The following SLC25A14 variants were observed in gnomAD, a reference collection of about 807,000 sequenced individuals.
The protein encoded by SLC25A14 is solute carrier family 25 member 14, also known as brain mitochondrial carrier protein 1.
SLC25A14 carries 8 observed loss-of-function variants against 28.1 expected under a neutral mutation model. The ratio of observed to expected loss-of-function variants is 0.28; its 90% CI spans 0.17 to 0.51. The LOEUF (loss-of-function observed/expected upper bound fraction) is 0.51, where lower values mean the gene tolerates loss of function less well. Among genes scored for constraint, SLC25A14 ranks in the 20% least tolerant of loss-of-function variants. The probability of loss-of-function intolerance (pLI) is 0.97; values close to 1 mark genes in which losing one functional copy is unlikely to be tolerated. For missense variants in SLC25A14, 135 were observed against 263.8 expected (o/e 0.51, Z 3.38); for synonymous variants, 74 against 90.6 (o/e 0.82, Z 1.04).
chrX:130,350,618 AC>A, intron 5 of SLC25A14, 27 bp from the exon 6 acceptor site: 1 of 982,666 alleles, frequency 1.0e-6, no homozygotes, highest in Non-Finnish European at 1.4e-6. Flanking sequence ...ATACAAGCAG[AC>A]CTTTCTTTTT....
At chrX:130,371,987 AC>A (rs1214700188) in intron 10 of SLC25A14, among the ~76,000 whole-genome samples, 1 of 112,060 alleles carries the variant, frequency 8.9e-6, no homozygotes, top group African/African-American at 3.2e-5. Flanking sequence ...TAACTATAGG[AC>A]CAAAATAGCT....
At chrX:130,351,817 C>A (rs1181023784) in intron 6 of SLC25A14, among the ~76,000 whole-genome samples, 2 of 111,755 alleles carry the variant, frequency 1.8e-5, no homozygotes, top group African/African-American at 3.2e-5. Context: ...ATGAAATAAA[C>A]CACTGGTGGT....
intron 10 of SLC25A14, among the ~76,000 whole-genome samples, chrX:130,372,266 T>G (rs192294941): frequency 2.4e-4 from 27 of 110,918 alleles, no homozygotes; most frequent in Admixed American, 1.1e-3. Context: ...TCTAATTAAT[T>G]ATATGTCGTC....
chrX:130,372,443 T>G (rs184366341), intron 10 of SLC25A14, among the ~76,000 whole-genome samples: 113 of 103,920 alleles, frequency 1.1e-3, no homozygotes, highest in African/African-American at 3.5e-3. Flanking sequence ...ACAGGTGGTG[T>G]TTTATTTATT....
At chrX:130,356,169 C>G (rs1040807117) in intron 6 of SLC25A14, among the ~76,000 whole-genome samples, 2 of 108,445 alleles carry the variant, frequency 1.8e-5, no homozygotes, top group Middle Eastern at 4.9e-3. Flanking sequence ...TTTCTAATTC[C>G]ATCATTCCAT....
chrX:130,361,566 C>T (rs191441861), intron 7 of SLC25A14, among the ~76,000 whole-genome samples: 98 of 112,691 alleles, frequency 8.7e-4, no homozygotes, highest in African/African-American at 3.1e-3. Context: ...CTGATTGTAA[C>T]ATGAATACTG....
intron 8 of SLC25A14, chrX:130,365,162 T>TC: frequency 4.9e-6 from 4 of 810,989 alleles, no homozygotes; most frequent in Non-Finnish European, 5.9e-6. Context: ...CTGTTACTGA[T>TC]CTCATTTTAC....
At chrX:130,360,463 C>T (rs189890150) in intron 7 of SLC25A14, among the ~76,000 whole-genome samples, 46 of 111,219 alleles carry the variant, frequency 4.1e-4, no homozygotes, top group Non-Finnish European at 7.5e-5. Context: ...CACCAGATCT[C>T]GCCATTGTAA....
chrX:130,355,365 T>A (rs1479739514), intron 6 of SLC25A14, among the ~76,000 whole-genome samples: 1 of 112,478 alleles, frequency 8.9e-6, no homozygotes, highest in Non-Finnish European at 1.9e-5. Context: ...ACAGTTTAAA[T>A]CTTTAAATAT....
At position 130,340,170 on chromosome X, in the gene SLC25A14, T is replaced by A; in HGVS notation, c.-109T>A. The A allele has an allele frequency of 8.6e-7, 1 of 1,167,508 alleles. No individual in the cohort carries two copies. Among genetic ancestry groups the A allele is most frequent in the East Asian group, 3.0e-5 (1 of 33,359 alleles). On this transcript the variant is annotated 5_prime_UTR_variant, in exon 2 of 11. Transcript: ENST00000545805. ...TGGTTTTACTTCTTCGATTGAACCCTGCTTCCTCGACCCCCCTGGGAGGCC... is the reference window on the plus strand; with the variant it reads ...TGGTTTTACTTCTTCGATTGAACCCAGCTTCCTCGACCCCCCTGGGAGGCC...
At chrX:130,354,117 A>AC (rs2033707994) in intron 6 of SLC25A14, among the ~76,000 whole-genome samples, 1 of 45,515 alleles carries the variant, frequency 2.2e-5, no homozygotes, top group Non-Finnish European at 4.4e-5. Context: ...TTTTACTATT[A>AC]TTATTATTTT....
intron 7 of SLC25A14, 87 bp from the exon 8 acceptor site, chrX:130,364,541 C>G: frequency 1.5e-6 from 1 of 657,004 alleles, no homozygotes; most frequent in Middle Eastern, 4.0e-4. Flanking sequence ...TTTTCTGTTA[C>G]TTTTCAACTC....
intron 9 of SLC25A14, 88 bp from the exon 10 acceptor site, chrX:130,371,476 A>G (rs920673184): frequency 8.3e-6 from 5 of 602,158 alleles, no homozygotes; most frequent in African/African-American, 6.7e-5. Context: ...TCATGGAGCC[A>G]TAAGTTGCCC....
intron 9 of SLC25A14, among the ~76,000 whole-genome samples, chrX:130,367,626 C>T (rs1290789098): frequency 9.0e-6 from 1 of 111,369 alleles, no homozygotes; most frequent in Non-Finnish European, 1.9e-5. Context: ...TTTTGCCTTC[C>T]CAGCATACTG....
chrX:130,348,791 C>G (rs865955402), intron 4 of SLC25A14, among the ~76,000 whole-genome samples: 4 of 66,698 alleles, frequency 6.0e-5, no homozygotes, highest in Non-Finnish European at 1.2e-4. Flanking sequence ...CCCCCCCCCC[C>G]CCTTTTTTTT....
Position 130,363,877 on chromosome X carries a change from G to A in SLC25A14, c.595-751G>A, listed in dbSNP as rs1052283278. ...GCATCTCAAGTAGCTGGGACTACAGGCACATGCCACCATGCCTGGCTAATT... is the reference window on the plus strand; with the variant it reads ...GCATCTCAAGTAGCTGGGACTACAGACACATGCCACCATGCCTGGCTAATT... On this transcript the variant is annotated intron_variant, in intron 7 of 10. Transcript: ENST00000545805. Among the ~76,000 whole-genome samples the A allele has an allele frequency of 8.1e-5, 9 of 111,115 alleles. No homozygotes were observed. In the South Asian group the frequency reaches 1.9e-3, roughly 24 times the overall value.
intron 4 of SLC25A14, among the ~76,000 whole-genome samples, chrX:130,348,780 ACCCCC>A (rs3084881): frequency 5.4e-4 from 25 of 46,293 alleles, no homozygotes; most frequent in South Asian, 4.3e-3. Context: ...TTGAGACTCT[ACCCCC>A]CCCCCCCCTT....
chrX:130,342,844 G>T (rs2033303301), intron 2 of SLC25A14, among the ~76,000 whole-genome samples: 1 of 106,171 alleles, frequency 9.4e-6, no homozygotes, highest in Admixed American at 1.0e-4. Context: ...GTTAATAATA[G>T]ACAGTCCCTA....
intron 7 of SLC25A14, chrX:130,359,136 T>C (rs757404601): frequency 8.5e-5 from 48 of 564,027 alleles, no homozygotes; most frequent in Non-Finnish European, 1.2e-4. Flanking sequence ...GTGGATCACT[T>C]GAGGTCAGAA....
Sources: gnomAD v4.1 joint callset for allele counts (sites outside exome capture counted in the v4.1 genomes callset) on GRCh38, gnomAD v4.1.1 for gene constraint, MANE v1.5 for transcripts, NCBI Gene and HGNC (gene_info 2026-07-23, HGNC 2026-07-21) for gene names.